Variants in PRSS12 observed in about 807,000 individuals in gnomAD.
The protein encoded by PRSS12 is neurotrypsin.
Under a neutral mutation model 104.4 loss-of-function variants are expected in PRSS12, and 85 were observed. The ratio of observed to expected loss-of-function variants is 0.81; its 90% CI spans 0.68 to 0.98. The LOEUF (loss-of-function observed/expected upper bound fraction) is 0.98. Ranked by LOEUF, PRSS12 falls within the 50% of genes least tolerant of loss-of-function variation. PRSS12 has a pLI of 0.00. For missense variants in PRSS12, 1,141 were observed against 1,139.2 expected (o/e 1.00, Z -0.02); for synonymous variants, 454 against 425.2 (o/e 1.07, Z -0.83).
intron 1 of PRSS12, among the ~76,000 whole-genome samples, chr4:118,342,958 C>T (rs1724255110): frequency 6.6e-6 from 1 of 152,160 alleles, no homozygotes. Context: ...AACAGGAATT[C>T]CCCAAATAGA....
rs780617057 is a variant in PRSS12 at position 118,335,476 on chromosome 4, G to C, written c.817C>G (p.His273Asp). ...AGAACTTTTTTCTTTTTTTTACCAT[G>C]GGAAAAGCTACACGTGACAGCAGCT... ...MAAAVTCSFSHGPTFPIIRLA... is the reference protein window; with the variant it reads ...MAAAVTCSFSDGPTFPIIRLA... The change falls in exon 3 of 13, where the codon CAT becomes GAT. Residue 273 changes from histidine (H) to aspartate (D), a missense_variant. Physicochemically the swap from His to Asp is moderately conservative, Grantham distance 81 (BLOSUM62 -1). Transcript: ENST00000296498. 5.2e-5 allele frequency: 84 copies of C among 1,613,228 alleles called. No homozygotes were observed. The highest frequency in any genetic ancestry group is 6.7e-5 in the Non-Finnish European group (79 of 1,179,726).
intron 1 of PRSS12, among the ~76,000 whole-genome samples, chr4:118,343,819 T>G (rs1026793080): frequency 1.3e-5 from 2 of 152,178 alleles, no homozygotes; most frequent in Non-Finnish European, 2.9e-5. Flanking sequence ...TAAAATAGCA[T>G]TCCTTAATTT....
intron 6 of PRSS12, among the ~76,000 whole-genome samples, chr4:118,313,779 T>A (rs551310826): frequency 1.3e-5 from 2 of 152,320 alleles, no homozygotes; most frequent in African/African-American, 4.8e-5. Context: ...TCTGAACTCA[T>A]TTGATTTCAG....
At chr4:118,347,595 G>A (rs952273861) in intron 1 of PRSS12, among the ~76,000 whole-genome samples, 1 of 152,176 alleles carries the variant, frequency 6.6e-6, no homozygotes, top group Non-Finnish European at 1.5e-5. Flanking sequence ...CAAGCAAGTT[G>A]CCCCATCTGC....
Position 118,281,891 on chromosome 4 carries a change from A to G in PRSS12, c.*45T>C. On this transcript the variant is annotated 3_prime_UTR_variant, in exon 13 of 13. Transcript: ENST00000296498. ...CTGAGTGCTAATAGTGGGGGTTCAA[A>G]GTTTTCCATTTGTTTAAATGCTGCT... The G allele has an allele frequency of 1.1e-6, 1 of 901,670 alleles. No homozygotes were observed. The highest frequency in any genetic ancestry group is 1.9e-6 in the Non-Finnish European group (1 of 528,654). 55.9% of individuals were successfully genotyped at this position (901,670 alleles called of 1,614,324 possible). A position where few individuals can be genotyped will look rare whatever the true frequency, so the allele number is the denominator to read the frequency against.
rs1477340261 is a variant in PRSS12, at chr4:118,331,119, AT to A, written c.971+596del. Among the ~76,000 whole-genome samples the A allele has an allele frequency of 5.4e-4, 82 of 152,340 alleles. 3 individuals are homozygous for A. The highest frequency in any genetic ancestry group is 5.3e-3 in the Admixed American group (81 of 15,302). On this transcript the variant is annotated intron_variant, in intron 4 of 12. Coordinates refer to ENST00000296498, the MANE Select transcript of PRSS12 (RefSeq NM_003619.4). ...AGAAACTTTCAGGCTTGTTATACCA[AT>A]GTTCAGAATCACTAAACAGAGGGAT...
At chr4:118,285,454 C>T (rs1174240016) in intron 11 of PRSS12, among the ~76,000 whole-genome samples, 1 of 152,000 alleles carries the variant, frequency 6.6e-6, no homozygotes, top group Non-Finnish European at 1.5e-5. Flanking sequence ...AACACTTTTC[C>T]CACAAGAATT....
intron 11 of PRSS12, among the ~76,000 whole-genome samples, chr4:118,284,947 A>G (rs1742981993): frequency 6.6e-6 from 1 of 152,194 alleles, no homozygotes; most frequent in Admixed American, 6.5e-5. Flanking sequence ...TTGGTATTCA[A>G]AAGCTTGGCA....
At position 118,280,746 on chromosome 4, in the gene PRSS12, G is replaced by A. The variant is rs534490128; in HGVS notation, c.*1190C>T. 6.6e-6 allele frequency: 1 copy of A among 152,334 alleles called. No homozygotes were observed. Among genetic ancestry groups the A allele is most frequent in the East Asian group, 1.9e-4 (1 of 5,182 alleles). 9.4% of individuals were successfully genotyped at this position (152,334 alleles called of 1,614,324 possible). ...TTAAGCAGCTATCCCTTAACTCTTG[G>A]AGAAATAGCCATAGGGAAACCAATC... is the stretch of plus-strand genomic sequence containing the variant. On this transcript the variant is annotated 3_prime_UTR_variant, in exon 13 of 13. Transcript: ENST00000296498.
Position 118,352,996 on chromosome 4 carries a change from G to A in PRSS12, c.-276C>T. ...AGAGGACCGGAAAAGAGAAGGCGCG[G>A]ACGCAGCGGGGAGCGGTTGGGCCTG... On this transcript the variant is annotated 5_prime_UTR_variant, in exon 1 of 13. Transcript: ENST00000296498. 1.4e-6 allele frequency: 1 copy of A among 738,198 alleles called. No homozygotes were observed. The highest frequency in any genetic ancestry group is 1.9e-6 in the Non-Finnish European group (1 of 521,830). 45.7% of individuals were successfully genotyped at this position (738,198 alleles called of 1,614,324 possible).
At position 118,331,704 on chromosome 4, in the gene PRSS12, G is replaced by A. The variant is rs372489469; in HGVS notation, c.971+12C>T. On this transcript the variant is annotated intron_variant, in intron 4 of 12. Transcript: ENST00000296498. ...CAAAAGTTTAAGCAAAACAAGAGTA[G>A]TAAAAACAAACCTGAGGCCCAGCTG... 41 of 1,613,934 alleles carry A rather than the reference G, an allele frequency of 2.5e-5. No homozygotes were observed. Among genetic ancestry groups the A allele is most frequent in the Middle Eastern group, 1.6e-4 (1 of 6,078 alleles).
intron 8 of PRSS12, among the ~76,000 whole-genome samples, chr4:118,300,946 C>T (rs1743392555): frequency 6.6e-6 from 1 of 152,056 alleles, no homozygotes; most frequent in Non-Finnish European, 1.5e-5. Context: ...TATTAGACTT[C>T]TTACAATTAT....
At chr4:118,293,908 T>C (rs1165691501) in intron 11 of PRSS12, among the ~76,000 whole-genome samples, 2 of 152,204 alleles carry the variant, frequency 1.3e-5, no homozygotes, top group Admixed American at 6.5e-5. Context: ...TACCTGGTTG[T>C]TTATTGCAAC....
chr4:118,338,982 C>G (rs1724130920), intron 1 of PRSS12, among the ~76,000 whole-genome samples: 1 of 151,966 alleles, frequency 6.6e-6, no homozygotes, highest in Non-Finnish European at 1.5e-5. Flanking sequence ...AATTGAATGC[C>G]CCTGGAAACT....
At chr4:118,338,125 A>G in intron 2 of PRSS12, 51 bp downstream of exon 2, 1 of 1,608,214 alleles carries the variant, frequency 6.2e-7, no homozygotes, top group Non-Finnish European at 8.5e-7. Flanking sequence ...GGCACCCAGC[A>G]TTATTCTCAA....
At chr4:118,351,258 C>T (rs1490466437) in intron 1 of PRSS12, among the ~76,000 whole-genome samples, 1 of 152,026 alleles carries the variant, frequency 6.6e-6, no homozygotes, top group African/African-American at 2.4e-5. Context: ...GAAACCCTTG[C>T]CCCACAGTGT....
At chr4:118,308,697 C>A (rs1743623195) in intron 7 of PRSS12, 120 bp from the exon 8 acceptor site, 21 of 1,368,392 alleles carry the variant, frequency 1.5e-5, no homozygotes, top group Non-Finnish European at 2.2e-5. Flanking sequence ...ATGGGAAATA[C>A]TTTTTTGAGA....
At chr4:118,289,233 T>G (rs1256287739) in intron 11 of PRSS12, among the ~76,000 whole-genome samples, 1 of 152,158 alleles carries the variant, frequency 6.6e-6, no homozygotes, top group Non-Finnish European at 1.5e-5. Context: ...CATAAAAAGT[T>G]CTAATCCTGT....
intron 11 of PRSS12, among the ~76,000 whole-genome samples, chr4:118,285,553 G>A (rs537911151): frequency 5.9e-5 from 9 of 152,104 alleles, no homozygotes; most frequent in African/African-American, 1.7e-4. Context: ...TGTAGTGCCC[G>A]ATATAGTAGC....
Sources: gnomAD v4.1 joint callset for allele counts (sites outside exome capture counted in the v4.1 genomes callset) on GRCh38, gnomAD v4.1.1 for gene constraint, MANE v1.5 for transcripts, NCBI Gene and HGNC (gene_info 2026-07-23, HGNC 2026-07-21) for gene names.